RBM20: variants seen among roughly 807,000 people sequenced by gnomAD.
RBM20 encodes the protein RNA-binding protein 20.
RBM20 carries 51 observed loss-of-function variants against 110.1 expected under a neutral mutation model. The ratio of observed to expected loss-of-function variants is 0.46; its 90% CI spans 0.37 to 0.59. The LOEUF (loss-of-function observed/expected upper bound fraction) is 0.59, where lower values mean the gene tolerates loss of function less well. Among genes scored for constraint, RBM20 ranks in the 20% least tolerant of loss-of-function variants. RBM20 has a pLI of 0.00. For missense variants in RBM20, 1,512 were observed against 1,574.9 expected (o/e 0.96, Z 0.68); for synonymous variants, 589 against 618.2 (o/e 0.95, Z 0.70).
Position 110,781,387 on chromosome 10 carries a change from A to C in RBM20, c.778A>C (p.Ser260Arg), listed in dbSNP as rs1392832080. 1.9e-6 allele frequency: 3 copies of C among 1,551,594 alleles called. No homozygotes were observed. ...GCCATCCTCGGCCTCAACCTCGGGCAGTGTGACCTATGAAGGGCACTACAG... is the reference window on the plus strand; with the variant it reads ...GCCATCCTCGGCCTCAACCTCGGGCCGTGTGACCTATGAAGGGCACTACAG... ...FLPSSASTSG[S>R]VTYEGHYSHT... Residue 260 changes from serine to arginine, a missense_variant, in exon 2 of 14, where the codon AGT (serine) becomes CGT (arginine). Transcript: ENST00000369519.
At chr10:110,648,956 G>A (rs1018140908) in intron 1 of RBM20, among the ~76,000 whole-genome samples, 3 of 152,142 alleles carry the variant, frequency 2.0e-5, no homozygotes, top group African/African-American at 7.2e-5. Flanking sequence ...TGCACACAGA[G>A]CTGTTCTAAT....
intron 1 of RBM20, among the ~76,000 whole-genome samples, chr10:110,700,680 A>G (rs2134893045): frequency 6.6e-6 from 1 of 152,290 alleles, no homozygotes; most frequent in African/African-American, 2.4e-5. Context: ...ACCTACTTAC[A>G]TGCCAGCAAC....
At chr10:110,798,073 C>T (rs918725882) in intron 6 of RBM20, among the ~76,000 whole-genome samples, 1 of 152,192 alleles carries the variant, frequency 6.6e-6, no homozygotes, top group African/African-American at 2.4e-5. Flanking sequence ...GGTATTTTTC[C>T]TGGTCCTTGA....
At chr10:110,762,739 C>T (rs1844023125) in intron 1 of RBM20, among the ~76,000 whole-genome samples, 1 of 152,218 alleles carries the variant, frequency 6.6e-6, no homozygotes, top group South Asian at 2.1e-4. Context: ...AACCACTGCA[C>T]ATCACTGCTT....
At chr10:110,675,889 G>A (rs961355368) in intron 1 of RBM20, among the ~76,000 whole-genome samples, 9 of 152,226 alleles carry the variant, frequency 5.9e-5, no homozygotes, top group African/African-American at 2.2e-4. Context: ...ATGCCTAGCA[G>A]AGAGTAAGCA....
chr10:110,734,075 A>G (rs1429677021), intron 1 of RBM20, among the ~76,000 whole-genome samples: 1 of 152,206 alleles, frequency 6.6e-6, no homozygotes, highest in Non-Finnish European at 1.5e-5. Context: ...GATAATTATC[A>G]TCATTCACTG....
chr10:110,664,287 A>C (rs1862146944), intron 1 of RBM20, among the ~76,000 whole-genome samples: 2 of 152,232 alleles, frequency 1.3e-5, no homozygotes, highest in South Asian at 4.1e-4. Context: ...TCAGAAAGCA[A>C]AGAAGCTATC....
At chr10:110,825,746 C>G (rs1844973542) in intron 12 of RBM20, among the ~76,000 whole-genome samples, 1 of 152,196 alleles carries the variant, frequency 6.6e-6, no homozygotes, top group South Asian at 2.1e-4. Flanking sequence ...ATTTTAATAG[C>G]TAAGCTTTTA....
At chr10:110,806,085 C>T (rs1376523880) in intron 7 of RBM20, among the ~76,000 whole-genome samples, 1 of 151,976 alleles carries the variant, frequency 6.6e-6, no homozygotes, top group Non-Finnish European at 1.5e-5. Flanking sequence ...GCAGCCTGAC[C>T]AACATGGTGA....
intron 1 of RBM20, among the ~76,000 whole-genome samples, chr10:110,662,365 G>A (rs553394958): frequency 6.6e-6 from 1 of 152,318 alleles, no homozygotes; most frequent in African/African-American, 2.4e-5. Context: ...GAGATTATGT[G>A]TAAAGTGCCA....
chr10:110,643,280 C>T (rs1285833487), upstream of RBM20, among the ~76,000 whole-genome samples: 3 of 152,222 alleles, frequency 2.0e-5, no homozygotes, highest in Non-Finnish European at 2.9e-5. Flanking sequence ...GTAAGGTCTA[C>T]TGGGCGGCCG....
chr10:110,796,978 A>T (rs1334363435), intron 5 of RBM20, among the ~76,000 whole-genome samples: 1 of 152,228 alleles, frequency 6.6e-6, no homozygotes, highest in Non-Finnish European at 1.5e-5. Context: ...TACATTTCTA[A>T]GAGTGGAATG....
At chr10:110,727,673 G>T (rs1458352078) in intron 1 of RBM20, among the ~76,000 whole-genome samples, 1 of 152,072 alleles carries the variant, frequency 6.6e-6, no homozygotes, top group Non-Finnish European at 1.5e-5. Flanking sequence ...TGGGATACAT[G>T]TGCTGAACGT....
In RBM20 at chr10:110,794,499, G is replaced by A. The variant is rs1021542455; in HGVS notation, c.1528-3009G>A. Among the ~76,000 whole-genome samples, 5 of 152,310 alleles carry A rather than the reference G, an allele frequency of 3.3e-5. No homozygotes were observed. In the East Asian group the frequency reaches 9.6e-4, roughly 29 times the overall value. ...AGAAAATAATCTGCTGAAGTAAATG[G>A]TTTAACTGAAGAAGCTACTCATGAT... On this transcript the variant is annotated intron_variant, in intron 5 of 13. Transcript: ENST00000369519.
chr10:110,672,538 C>T (rs578228748), intron 1 of RBM20, among the ~76,000 whole-genome samples: 2 of 152,358 alleles, frequency 1.3e-5, no homozygotes, highest in Non-Finnish European at 2.9e-5. Context: ...GGCGGTGCGC[C>T]GCAGGCGGTC....
At chr10:110,785,146 C>T (rs1386210584) in intron 5 of RBM20, among the ~76,000 whole-genome samples, 1 of 152,180 alleles carries the variant, frequency 6.6e-6, no homozygotes, top group African/African-American at 2.4e-5. Context: ...GTGCCAGTCA[C>T]CCTGAAATGC....
In RBM20 at chr10:110,739,680, C is replaced by T. The variant is rs776492404; in HGVS notation, c.192-41121C>T. 7.9e-5 allele frequency among the ~76,000 whole-genome samples: 12 copies of T among 152,088 alleles called. No individual in the cohort carries two copies. Among genetic ancestry groups the T allele is most frequent in the Non-Finnish European group, 1.2e-4 (8 of 68,024 alleles). Reference sequence around the variant, plus strand: ...ATCAATGTGAACATTCTAGCTGGGACGCTTCCTTGTGGTACGACTTGGGGC... The same window carrying T: ...ATCAATGTGAACATTCTAGCTGGGATGCTTCCTTGTGGTACGACTTGGGGC... On this transcript the variant is annotated intron_variant, in intron 1 of 13. Coordinates refer to ENST00000369519, the MANE Select transcript of RBM20 (RefSeq NM_001134363.3). This position sits in a 1 kb window ranked among gnomAD's most constrained non-coding sequence, Gnocchi z 4.1.
rs1366146057 is a variant in RBM20 at position 110,684,445 on chromosome 10, AC to A, written c.191+39801del. Reference sequence around the variant, plus strand: ...AAAACAAAAGAAAAAGAAAAAGAAAACAGAAATTGTCATTTGCCCAAGATAT... The same window carrying A: ...AAAACAAAAGAAAAAGAAAAAGAAAAAGAAATTGTCATTTGCCCAAGATAT... On this transcript the variant is annotated intron_variant, in intron 1 of 13. Transcript: ENST00000369519. Among the ~76,000 whole-genome samples the A allele has an allele frequency of 1.9e-4, 29 of 151,636 alleles. No individual in the cohort carries two copies. In the East Asian group the frequency reaches 3.1e-3, roughly 16 times the overall value.
Position 110,784,810 on chromosome 10 carries a change from G to C in RBM20, c.1448G>C (p.Gly483Ala). ...CATTTAGATTATGCCTCAAATCTTG[G>C]AACATCATACGTGCCCATTCCAGCA... ...AGNEDYASNLGTSYVPIPARS... is the reference protein window; with the variant it reads ...AGNEDYASNLATSYVPIPARS... The change falls in exon 5 of 14, where the codon GGA becomes GCA. Residue 483 changes from glycine to alanine, a missense_variant. Around this residue, in one of 3 missense-constraint regions of RBM20, gnomAD observed 1,149 missense variants for 1,169.4 expected, o/e 0.98. Coordinates refer to ENST00000369519, the MANE Select transcript of RBM20 (RefSeq NM_001134363.3). The C allele has an allele frequency of 6.5e-7, 1 of 1,550,218 alleles. No homozygotes were observed. The highest frequency in any genetic ancestry group is 1.2e-5 in the South Asian group (1 of 84,020).
Sources: gnomAD v4.1 joint callset for allele counts (sites outside exome capture counted in the v4.1 genomes callset) on GRCh38, gnomAD v4.1.1 for gene constraint, gnomAD v4.1.1 regional missense constraint, Gnocchi (gnomAD v3.1) non-coding constraint, MANE v1.5 for transcripts, NCBI Gene and HGNC (gene_info 2026-07-23, HGNC 2026-07-21) for gene names.